DGKG: variants seen among roughly 807,000 people sequenced by gnomAD.
DGKG encodes diacylglycerol kinase gamma.
In DGKG, 78 loss-of-function variants were observed where a neutral mutation model predicts 105.3. The ratio of observed to expected loss-of-function variants is 0.74; its 90% confidence interval spans 0.62 to 0.89. The LOEUF (loss-of-function observed/expected upper bound fraction) is 0.89, where lower values mean the gene tolerates loss of function less well. Among genes scored for constraint, DGKG ranks in the 40% least tolerant of loss-of-function variants. The probability of loss-of-function intolerance (pLI) is 0.00; values close to 1 mark genes in which losing one functional copy is unlikely to be tolerated. For synonymous variants in DGKG, 346 were observed against 367.1 expected, an observed-to-expected ratio of 0.94 and a Z score of 0.66; for missense variants, 958 against 1,020.1, an observed-to-expected ratio of 0.94 and a Z score of 0.83.
In DGKG at chr3:186,160,410, T is replaced by C. The variant is rs754265127; in HGVS notation, c.2277+1193A>G. 1.9e-5 allele frequency: 19 copies of C among 985,182 alleles called. No individual in the cohort carries two copies. In the African/African-American group the frequency reaches 3.0e-4, roughly 15 times the overall value. The allele number at this position is 985,182 out of a possible 1,614,324, so 61.0% of individuals were successfully genotyped here. ...CAACTCAGTTCCATCAAATGATAAA[T>C]AGTAGAAATTCCCTCTATGCGTCCT... On this transcript the variant is annotated intron_variant, in intron 24 of 24. Coordinates refer to ENST00000265022, the MANE Select transcript of DGKG (RefSeq NM_001346.3).
intron 21 of DGKG, among the ~76,000 whole-genome samples, chr3:186,209,881 C>T (rs150633220): frequency 3.3e-5 from 5 of 152,294 alleles, no homozygotes; most frequent in Non-Finnish European, 5.9e-5. Context: ...TCACATGACA[C>T]GCTCAGCCCC....
At chr3:186,288,904 TC>T (rs1231810574) in intron 5 of DGKG, 24 bp from the exon 6 acceptor site, 1 of 1,520,920 alleles carries the variant, frequency 6.6e-7, no homozygotes, top group Non-Finnish European at 8.8e-7. Flanking sequence ...AAGGAAAACA[TC>T]CAAGGACATT....
intron 21 of DGKG, among the ~76,000 whole-genome samples, chr3:186,208,921 A>G (rs151142343): frequency 3.9e-4 from 59 of 152,254 alleles, no homozygotes; most frequent in Middle Eastern, 6.8e-3. Context: ...ATCAGTTTTC[A>G]GCAATGAAGT....
intron 6 of DGKG, among the ~76,000 whole-genome samples, chr3:186,287,209 A>C (rs1723111787): frequency 6.6e-6 from 1 of 152,196 alleles, no homozygotes; most frequent in Non-Finnish European, 1.5e-5. Context: ...AAAAATGTGA[A>C]TACTGACTAT....
At chr3:186,346,550 T>C (rs980818387) in intron 1 of DGKG, among the ~76,000 whole-genome samples, 7 of 152,066 alleles carry the variant, frequency 4.6e-5, no homozygotes, top group Non-Finnish European at 7.3e-5. Flanking sequence ...ACAGGTCTTT[T>C]TGGTCTTGTT....
chr3:186,272,138 A>T, intron 11 of DGKG, 117 bp downstream of exon 11: 2 of 765,230 alleles, frequency 2.6e-6, no homozygotes, highest in Non-Finnish European at 4.6e-6. Flanking sequence ...GTGGTCCTCA[A>T]GGCAGAGAAG....
At chr3:186,272,591 A>T (rs2108586203) in intron 10 of DGKG, among the ~76,000 whole-genome samples, 1 of 152,334 alleles carries the variant, frequency 6.6e-6, no homozygotes. Flanking sequence ...GCAGGCAATG[A>T]ACACAGCAGG....
chr3:186,361,480 G>A lies in DGKG; in HGVS notation c.-249+466C>T, dbSNP rs1727225972. Among the ~76,000 whole-genome samples, 1 of 152,136 alleles carries A rather than the reference G, an allele frequency of 6.6e-6. No homozygotes were observed. The highest frequency in any genetic ancestry group is 2.4e-5 in the African/African-American group (1 of 41,444). On this transcript the variant is annotated intron_variant, in intron 1 of 24. Transcript: ENST00000265022. This position sits in a 1 kb window ranked among gnomAD's most constrained non-coding sequence, Gnocchi z 6.8. ...AGTCGCCCTGCGCAGGGGCTTTGTGGAGTGCCCCCAAAGTCCTAGAACCCC... is the reference window on the plus strand; with the variant it reads ...AGTCGCCCTGCGCAGGGGCTTTGTGAAGTGCCCCCAAAGTCCTAGAACCCC...
chr3:186,171,700 T>C (rs1469235352), intron 22 of DGKG, among the ~76,000 whole-genome samples: 1 of 152,236 alleles, frequency 6.6e-6, no homozygotes, highest in African/African-American at 2.4e-5. Flanking sequence ...CCCATGAATA[T>C]AGAAACCTGA....
chr3:186,156,019 T>C (rs1273721112), intron 24 of DGKG, among the ~76,000 whole-genome samples: 3 of 152,166 alleles, frequency 2.0e-5, no homozygotes, highest in Admixed American at 6.5e-5. Context: ...CGCTGGATTC[T>C]AATAGCTGGT....
intron 14 of DGKG, among the ~76,000 whole-genome samples, chr3:186,263,915 G>A (rs980930194): frequency 6.6e-6 from 1 of 152,228 alleles, no homozygotes; most frequent in Non-Finnish European, 1.5e-5. Flanking sequence ...ACAGTGCCAT[G>A]TTGTTTGAAA....
At chr3:186,306,769 C>T (rs1724259087) in intron 3 of DGKG, 132 bp downstream of exon 3, 3 of 649,476 alleles carry the variant, frequency 4.6e-6, no homozygotes, top group Admixed American at 2.7e-5. Context: ...AAATGGCTCA[C>T]TTGAGACTTA....
intron 2 of DGKG, among the ~76,000 whole-genome samples, chr3:186,307,988 G>C (rs922779574): frequency 6.6e-6 from 1 of 151,452 alleles, no homozygotes; most frequent in Non-Finnish European, 1.5e-5. Context: ...TAATTAGCAT[G>C]GTTGATTTTA....
At position 186,150,136 on chromosome 3, in the gene DGKG, T is replaced by C; in HGVS notation, c.2330A>G (p.Lys777Arg). Residue 777 changes from lysine (K) to arginine (R), a missense_variant, in exon 25 of 25, where the codon AAG becomes AGG. Physicochemically the swap from Lys to Arg is conservative, Grantham distance 26. Coordinates refer to ENST00000265022, the MANE Select transcript of DGKG (RefSeq NM_001346.3). ...QAPMMMGPPQ[K>R]SSFFSLRRKS... ...CCTTCTCAACGAGAAGAAGCTGCTC[T>C]TCTGGGGAGGCCCCATCATCATGGG... The C allele has an allele frequency of 1.2e-6, 2 of 1,613,836 alleles. No homozygotes were observed. The highest frequency in any genetic ancestry group is 1.7e-6 in the Non-Finnish European group (2 of 1,179,896).
intron 1 of DGKG, among the ~76,000 whole-genome samples, chr3:186,355,575 C>T (rs955925891): frequency 6.6e-6 from 1 of 150,992 alleles, no homozygotes; most frequent in Admixed American, 6.6e-5. Context: ...CACCATTACC[C>T]CCACCACCAT....
intron 22 of DGKG, among the ~76,000 whole-genome samples, chr3:186,186,288 G>C (rs1717635714): frequency 6.6e-6 from 1 of 152,054 alleles, no homozygotes. Flanking sequence ...TTTTCTTCTA[G>C]TGGTGGGATC....
At chr3:186,229,543 C>T (rs992743890) in intron 20 of DGKG, among the ~76,000 whole-genome samples, 4 of 152,206 alleles carry the variant, frequency 2.6e-5, no homozygotes, top group African/African-American at 4.8e-5. Context: ...CTGCGCCAGG[C>T]CAGACATGCA....
chr3:186,265,433 A>C (rs1722000136), intron 13 of DGKG, 127 bp from the exon 14 acceptor site: 3 of 837,296 alleles, frequency 3.6e-6, no homozygotes, highest in Non-Finnish European at 5.8e-6. Context: ...TATGGAGACG[A>C]GGTTTTCAAC....
intron 16 of DGKG, among the ~76,000 whole-genome samples, chr3:186,258,410 C>T (rs1490486867): frequency 6.6e-6 from 1 of 152,174 alleles, no homozygotes; most frequent in Non-Finnish European, 1.5e-5. Flanking sequence ...GAGCCTTAAC[C>T]CTGGAGAGCA....
Sources: allele counts gnomAD v4.1 joint callset (sites outside exome capture counted in the v4.1 genomes callset), GRCh38; gene constraint gnomAD v4.1.1; non-coding constraint Gnocchi (gnomAD v3.1); transcripts MANE v1.5; gene names NCBI Gene and HGNC (gene_info 2026-07-23, HGNC 2026-07-21).